Variants in TF observed in about 807,000 individuals in gnomAD.
TF encodes transferrin.
TF carries 55 observed loss-of-function variants against 82.4 expected under a neutral mutation model. The observed-to-expected ratio is 0.67, with a 90% CI of 0.54 to 0.84. TF has a LOEUF of 0.84. Among genes scored for constraint, TF ranks in the 40% least tolerant of loss-of-function variants. The pLI, the probability that TF is intolerant of heterozygous loss-of-function variation, is 0.00. For missense variants in TF, 737 were observed against 868.4 expected (o/e 0.85, Z 1.90); for synonymous variants, 332 against 332.6 (o/e 1.00, Z 0.02).
In TF at chr3:133,788,631, GA is replaced by G. The variant is rs1316335561; in HGVS notation, c.*10013del. 3 of 138,192 alleles carry G rather than the reference GA, an allele frequency of 2.2e-5. No homozygotes were observed. Among genetic ancestry groups the G allele is most frequent in the Non-Finnish European group, 3.3e-5 (2 of 60,900 alleles). The allele number at this position is 138,192 out of a possible 1,614,324, so 8.6% of individuals were successfully genotyped here. On this transcript the variant is annotated 3_prime_UTR_variant, in exon 17 of 17. Coordinates refer to ENST00000402696, the MANE Select transcript of TF (RefSeq NM_001063.4). ...CTTTTCTTTTCCACTCCATACAGGG[GA>G]ATCTCTCCCTCTGTCTCTTTTTCCT... is the stretch of plus-strand genomic sequence containing the variant.
chr3:133,728,618 A>G, the TF span, among the ~76,000 whole-genome samples: 1 of 152,082 alleles, frequency 6.6e-6, no homozygotes, highest in Non-Finnish European at 1.5e-5. Context: ...TGTAGCTTGG[A>G]GTAGTTTGAT....
At chr3:133,774,332 A>G (rs1934331999) in intron 14 of TF, 1 of 152,234 alleles carries the variant, frequency 6.6e-6, no homozygotes, top group African/African-American at 2.4e-5. Context: ...AAAAAATTGT[A>G]AACACCTCAG....
upstream of TF, among the ~76,000 whole-genome samples, chr3:133,742,458 GAGAGAGAA>G (rs750351341): frequency 3.9e-5 from 5 of 128,326 alleles, no homozygotes; most frequent in Admixed American, 8.2e-5. Context: ...AGGAGAGAGA[GAGAGAGAA>G]AGAGAGAGAG....
At chr3:133,757,308 A>G (rs540258513) in intron 7 of TF, among the ~76,000 whole-genome samples, 1 of 152,134 alleles carries the variant, frequency 6.6e-6, no homozygotes, top group East Asian at 1.9e-4. Flanking sequence ...ACCCCTCCCC[A>G]AGGAGGCTTT....
At chr3:133,748,660 T>C (rs1017759573) in intron 2 of TF, 76 bp downstream of exon 2, 1 of 1,558,110 alleles carries the variant, frequency 6.4e-7, no homozygotes, top group Non-Finnish European at 8.7e-7. Flanking sequence ...GAACAATTCT[T>C]TACTCACAGG....
the TF span, among the ~76,000 whole-genome samples, chr3:133,725,172 G>T: frequency 6.6e-6 from 1 of 152,058 alleles, no homozygotes; most frequent in Non-Finnish European, 1.5e-5. Flanking sequence ...CTTTAAAGTA[G>T]TTTTTTCCAA....
intron 4 of TF, among the ~76,000 whole-genome samples, chr3:133,755,089 G>A (rs41298991): frequency 1.3e-5 from 2 of 152,372 alleles, no homozygotes; most frequent in East Asian, 1.9e-4. Context: ...CTCTGACAAA[G>A]CAGGGAGAAG....
the TF span, among the ~76,000 whole-genome samples, chr3:133,664,478 G>T: frequency 6.6e-6 from 1 of 151,944 alleles, no homozygotes; most frequent in African/African-American, 2.4e-5. Context: ...GTCTGCCATC[G>T]CACCCGGCTA....
chr3:133,699,368 C>T, the TF span: 13 of 737,438 alleles, frequency 1.8e-5, no homozygotes, highest in East Asian at 5.2e-5. Flanking sequence ...TTTGATGGTT[C>T]GGTGAGGGGC....
chr3:133,723,401 G>T, the TF span, among the ~76,000 whole-genome samples: 63,549 of 150,130 alleles, frequency 0.42, 14,704 homozygotes, highest in African/African-American at 0.61. Context: ...CATCTGATAT[G>T]TCTATAATGT....
chr3:133,778,658 G>A lies in TF; in HGVS notation c.*38G>A. 2 of 1,610,496 alleles carry A rather than the reference G, an allele frequency of 1.2e-6. No homozygotes were observed. The highest frequency in any genetic ancestry group is 2.2e-5 in the South Asian group (2 of 90,596). ...AGGGCTGCCACCAAGGTGAAGATGG[G>A]AACGCAGATGATCCATGAGTTTGCC... On this transcript the variant is annotated 3_prime_UTR_variant, in exon 17 of 17. Coordinates refer to ENST00000402696, the MANE Select transcript of TF (RefSeq NM_001063.4).
At chr3:133,748,222 G>A (rs1269724366) in intron 1 of TF, 190 bp from the exon 2 acceptor site, 7 of 721,656 alleles carry the variant, frequency 9.7e-6, no homozygotes, top group South Asian at 1.7e-5. Context: ...AAACTGGGAG[G>A]CCATTAGGGC....
chr3:133,746,622 C>G (rs1933508793), intron 1 of TF, 139 bp downstream of exon 1: 2 of 921,502 alleles, frequency 2.2e-6, no homozygotes, highest in East Asian at 2.6e-5. Flanking sequence ...CATTGCCTCT[C>G]TACGCCCCAC....
chr3:133,794,193 CT>C lies in TF; in HGVS notation c.*15577del, dbSNP rs967567770. On this transcript the variant is annotated 3_prime_UTR_variant, in exon 17 of 17. Coordinates refer to ENST00000402696, the MANE Select transcript of TF (RefSeq NM_001063.4). ...CCTTGTCCTTCCTAAGTCGTTAAAG[CT>C]TTTGTTAGTAAAATTTCTGCATTAC... The C allele has an allele frequency of 2.0e-5, 3 of 152,096 alleles. No homozygotes were observed. The highest frequency in any genetic ancestry group is 2.9e-5 in the Non-Finnish European group (2 of 68,012). 9.4% of individuals were successfully genotyped at this position (152,096 alleles called of 1,614,324 possible).
the TF span, among the ~76,000 whole-genome samples, chr3:133,683,902 C>T: frequency 8.5e-5 from 13 of 152,298 alleles, no homozygotes; most frequent in South Asian, 6.2e-4. Context: ...AATATACATT[C>T]TTCTCAGCAC....
At chr3:133,746,829 C>A (rs918021162) in intron 1 of TF, among the ~76,000 whole-genome samples, 2 of 152,258 alleles carry the variant, frequency 1.3e-5, no homozygotes, top group African/African-American at 4.8e-5. Flanking sequence ...CCTCCCGGGT[C>A]TGACCATTCC....
chr3:133,685,650 G>A, the TF span, among the ~76,000 whole-genome samples: 5 of 152,176 alleles, frequency 3.3e-5, no homozygotes, highest in South Asian at 1.0e-3. Flanking sequence ...TACAAGGGAT[G>A]TGAAGGACCT....
At chr3:133,690,796 C>G in the TF span, among the ~76,000 whole-genome samples, 1 of 152,144 alleles carries the variant, frequency 6.6e-6, no homozygotes, top group Non-Finnish European at 1.5e-5. Context: ...TACCTGGAGG[C>G]CATAATCATG....
chr3:133,699,378 C>T, the TF span: 10 of 811,574 alleles, frequency 1.2e-5, no homozygotes, highest in African/African-American at 1.2e-4. Flanking sequence ...CGGTGAGGGG[C>T]ATGGGTCATC....
Sources: allele counts gnomAD v4.1 joint callset (sites outside exome capture counted in the v4.1 genomes callset), GRCh38; gene constraint gnomAD v4.1.1; transcripts MANE v1.5; gene names NCBI Gene and HGNC (gene_info 2026-07-23, HGNC 2026-07-21).